Variants in KRT8 observed in about 807,000 individuals in gnomAD.
KRT8 encodes the protein keratin, type II cytoskeletal 8.
A neutral mutation model predicts 43.0 loss-of-function variants in KRT8; 24 were observed. That is an observed-to-expected ratio of 0.56 (90% CI 0.40 to 0.78). The LOEUF (loss-of-function observed/expected upper bound fraction) is 0.78, where lower values mean the gene tolerates loss of function less well. KRT8 is among the 30% of genes least tolerant of loss of function. The pLI is 0.00. For missense variants in KRT8, 492 were observed against 638.4 expected, an observed-to-expected ratio of 0.77 and a Z score of 2.47; for synonymous variants, 214 against 261.2, an observed-to-expected ratio of 0.82 and a Z score of 1.74.
At position 52,943,189 on chromosome 12, in the gene KRT8, G is replaced by A. The variant is rs749543611; in HGVS notation, c.-47+6267C>T. On this transcript the variant is annotated intron_variant, in intron 2 of 6. Transcript: ENST00000546826. ...CGACCTAACAACCGCTTGGCCTCCC[G>A]ATTTCTCCTGTCCGTCGCTGATAAA... Among the ~76,000 whole-genome samples the A allele has an allele frequency of 2.1e-4, 32 of 152,210 alleles. 1 individual carries two copies. The highest frequency in any genetic ancestry group is 6.8e-3 in the Middle Eastern group (2 of 294).
exon 5 of KRT8, chr12:52,899,847 T>C (rs1243419900): frequency 6.2e-7 from 1 of 1,612,278 alleles, no homozygotes; most frequent in South Asian, 1.1e-5. Context: ...TCTCAGTCTT[T>C]GTGCGCCGCA....
upstream of KRT8, among the ~76,000 whole-genome samples, chr12:52,911,586 T>C (rs1011295883): frequency 2.0e-5 from 3 of 152,184 alleles, no homozygotes; most frequent in African/African-American, 7.2e-5. Context: ...TTAACCTTCG[T>C]AAGAACACTA....
intron 2 of KRT8, among the ~76,000 whole-genome samples, chr12:52,916,769 G>A (rs1941749074): frequency 6.6e-6 from 1 of 152,180 alleles, no homozygotes; most frequent in Admixed American, 6.5e-5. Flanking sequence ...AGCAAGTGTG[G>A]ACAAGCCCGC....
chr12:52,922,813 C>T (rs971506708), intron 2 of KRT8, among the ~76,000 whole-genome samples: 13 of 152,362 alleles, frequency 8.5e-5, no homozygotes, highest in African/African-American at 3.1e-4. Flanking sequence ...CCACCCAGCT[C>T]TTCTGGCTCC....
intron 2 of KRT8, chr12:52,949,077 C>T (rs1942407516): frequency 1.7e-6 from 2 of 1,152,348 alleles, no homozygotes; most frequent in Non-Finnish European, 2.6e-6. Flanking sequence ...GGGGGCGGGG[C>T]CTCACTCTGC....
chr12:52,907,335 A>G (rs927015290), upstream of KRT8, among the ~76,000 whole-genome samples: 1 of 152,204 alleles, frequency 6.6e-6, no homozygotes, highest in Non-Finnish European at 1.5e-5. Context: ...GGAAGGCGGA[A>G]GGAGGGAGGG....
intron 1 of KRT8, chr12:52,903,458 TG>T (rs1245101499): frequency 1.3e-5 from 2 of 152,078 alleles, no homozygotes; most frequent in Non-Finnish European, 2.9e-5. Context: ...CCCCGACCAC[TG>T]GGTTCCTGGG....
intron 2 of KRT8, among the ~76,000 whole-genome samples, chr12:52,927,561 G>A (rs534450475): frequency 2.6e-5 from 4 of 152,338 alleles, no homozygotes; most frequent in South Asian, 2.1e-4. Flanking sequence ...GGGTGGAGTC[G>A]CGAGGGCCCT....
At chr12:52,901,782 C>A (rs1443742914) in intron 2 of KRT8, 82 bp downstream of exon 2, 3 of 946,430 alleles carry the variant, frequency 3.2e-6, no homozygotes, top group Non-Finnish European at 5.2e-6. Context: ...CAACAGAGGG[C>A]CATGGGGACT....
At chr12:52,904,934 G>A (rs747375247) in exon 1 of KRT8, 5 of 1,612,242 alleles carry the variant, frequency 3.1e-6, no homozygotes, top group South Asian at 2.2e-5. Flanking sequence ...AGGCCCGGGG[G>A]CCAGAGGTGG....
chr12:52,929,186 T>TTC (rs36090407), intron 2 of KRT8, among the ~76,000 whole-genome samples: 7 of 87,824 alleles, frequency 8.0e-5, no homozygotes, highest in Admixed American at 6.0e-4. Context: ...CTTCCTTCCT[T>TTC]TCTTTTTTTT....
chr12:52,926,332 GCCC>G, intron 2 of KRT8: 1 of 600,276 alleles, frequency 1.7e-6, no homozygotes, highest in Non-Finnish European at 3.0e-6. Context: ...GGCACTAGCT[GCCC>G]TCCCCACCCC....
At chr12:52,909,279 T>C (rs1269710149), upstream of KRT8, among the ~76,000 whole-genome samples, 1 of 152,232 alleles carries the variant, frequency 6.6e-6, no homozygotes, top group African/African-American at 2.4e-5. Flanking sequence ...GCTTCCTGCC[T>C]CTGGGTTAAG....
chr12:52,899,773 A>G lies in KRT8; in HGVS notation c.981+2T>C. On this transcript the variant is annotated splice_donor_variant, in intron 5 of 7. Coordinates refer to ENST00000692008, the Ensembl canonical transcript of KRT8. LOFTEE classifies it high-confidence loss of function. ...CCCTCCCACCCCCAACCCGGCCCAT[A>G]CCTGGCCTTTGAGGCCCTCAATCTC... 1 of 1,610,826 alleles carries G rather than the reference A, an allele frequency of 6.2e-7. No individual in the cohort carries two copies. The highest frequency in any genetic ancestry group is 2.2e-5 in the East Asian group (1 of 44,844).
chr12:52,897,276 G>A (rs1049512669), exon 8 of KRT8: 6 of 763,406 alleles, frequency 7.9e-6, no homozygotes, highest in Non-Finnish European at 1.1e-5. Flanking sequence ...GGCAAGGGGG[G>A]TCCCCAGGTA....
At chr12:52,906,476 A>G (rs1592167765), upstream of KRT8, 1 of 343,082 alleles carries the variant, frequency 2.9e-6, no homozygotes, top group East Asian at 7.7e-5. Flanking sequence ...CCTGTCTCCC[A>G]TTATCAAAGT....
At chr12:52,926,398 T>C (rs1012608297) in intron 2 of KRT8, 3 of 1,275,610 alleles carry the variant, frequency 2.4e-6, no homozygotes, top group Non-Finnish European at 3.0e-6. Flanking sequence ...CACCTGCACC[T>C]GTTGAAACCT....
In KRT8 at chr12:52,933,758, G is replaced by C. The variant is rs1393284970; in HGVS notation, c.-47+15698C>G. On this transcript the variant is annotated intron_variant, in intron 2 of 6. Transcript: ENST00000546826. ...TCTTGCCTCAACCTCCTGAGTAGCT[G>C]GGATTACAGGTGCCCACGACCATGC... Among the ~76,000 whole-genome samples the C allele has an allele frequency of 2.0e-5, 3 of 151,838 alleles. No individual in the cohort carries two copies. In the East Asian group the frequency reaches 5.9e-4, roughly 30 times the overall value.
exon 2 of KRT8, chr12:52,949,578 C>A (rs1942435980): frequency 6.2e-7 from 1 of 1,613,818 alleles, no homozygotes. Flanking sequence ...TCATCGAGGA[C>A]CTGAGGGCTC....
Sources: allele counts gnomAD v4.1 joint callset (sites outside exome capture counted in the v4.1 genomes callset), GRCh38; gene constraint gnomAD v4.1.1; transcripts MANE v1.5; gene names NCBI Gene and HGNC (gene_info 2026-07-23, HGNC 2026-07-21).